The following TRAPPC9 variants were observed in gnomAD, a reference collection of about 807,000 sequenced individuals.
TRAPPC9 encodes IKK2 binding protein.
In TRAPPC9, 83 loss-of-function variants were observed where a neutral mutation model predicts 124.0. The observed-to-expected ratio is 0.67, with a 90% CI of 0.56 to 0.80. The LOEUF (loss-of-function observed/expected upper bound fraction) is 0.80. Among genes scored for constraint, TRAPPC9 ranks in the 30% least tolerant of loss-of-function variants. TRAPPC9 has a pLI of 0.00. For missense variants in TRAPPC9, 1,302 were observed against 1,508.3 expected (o/e 0.86, Z 2.27); for synonymous variants, 638 against 617.5 (o/e 1.03, Z -0.49).
chr8:139,896,093 T>C (rs1389278043), intron 20 of TRAPPC9, among the ~76,000 whole-genome samples: 1 of 152,230 alleles, frequency 6.6e-6, no homozygotes, highest in African/African-American at 2.4e-5. Context: ...ACAGCTAAGC[T>C]AATAAAGCTA....
intron 21 of TRAPPC9, among the ~76,000 whole-genome samples, chr8:139,756,944 T>G (rs1270899005): frequency 0.041 from 1,457 of 35,112 alleles, no homozygotes; most frequent in Admixed American, 0.08. Flanking sequence ...AGGGTTGGGG[T>G]ATAAGGACAG....
intron 19 of TRAPPC9, among the ~76,000 whole-genome samples, chr8:139,953,573 G>A (rs1277430047): frequency 1.0e-5 from 1 of 96,272 alleles, no homozygotes; most frequent in Non-Finnish European, 2.1e-5. Flanking sequence ...ACTGATAATT[G>A]GACTTCATCA....
intron 17 of TRAPPC9, among the ~76,000 whole-genome samples, chr8:140,116,136 G>T (rs1343884042): frequency 2.0e-5 from 3 of 152,162 alleles, no homozygotes; most frequent in African/African-American, 7.2e-5. Flanking sequence ...TCAGGGGAGA[G>T]GCAGGGGCAG....
rs1587969401 is a variant in TRAPPC9, at chr8:140,228,285, G to T, written c.2432-6702C>A. The stretch of plus-strand genomic sequence containing the variant: ...TTGTCAGGGTATGCTGTTCCAGGTA[G>T]AATATATTTTAAAGATGCTTTCTCA... On this transcript the variant is annotated intron_variant, in intron 16 of 22. Coordinates refer to ENST00000438773, the MANE Select transcript of TRAPPC9 (RefSeq NM_001160372.4). 2.6e-5 allele frequency among the ~76,000 whole-genome samples: 4 copies of T among 152,182 alleles called. No homozygotes were observed. In the East Asian group the frequency reaches 7.7e-4, roughly 29 times the overall value.
At chr8:140,034,757 T>G (rs1315941504) in intron 17 of TRAPPC9, among the ~76,000 whole-genome samples, 1 of 152,234 alleles carries the variant, frequency 6.6e-6, no homozygotes, top group Non-Finnish European at 1.5e-5. Flanking sequence ...TATCACTACC[T>G]CAACAGCTCA....
chr8:139,867,552 A>C (rs1377960308), intron 21 of TRAPPC9, among the ~76,000 whole-genome samples: 1 of 152,180 alleles, frequency 6.6e-6, no homozygotes, highest in Non-Finnish European at 1.5e-5. Context: ...GGAAGCAAAC[A>C]CCATCTTAAT....
At chr8:140,077,760 T>C (rs1212766788) in intron 17 of TRAPPC9, among the ~76,000 whole-genome samples, 1 of 151,664 alleles carries the variant, frequency 6.6e-6, no homozygotes, top group Non-Finnish European at 1.5e-5. Context: ...AATGTTGAGA[T>C]GGGGAGAAAG....
At chr8:140,092,044 G>A in intron 17 of TRAPPC9, among the ~76,000 whole-genome samples, 1 of 136,646 alleles carries the variant, frequency 7.3e-6, no homozygotes, top group Non-Finnish European at 1.5e-5. Flanking sequence ...CCTCCTGCCG[G>A]CCAGCTCCAC....
intron 19 of TRAPPC9, among the ~76,000 whole-genome samples, chr8:139,969,546 G>T (rs1252725754): frequency 2.0e-5 from 3 of 152,338 alleles, no homozygotes; most frequent in East Asian, 3.9e-4. Context: ...ACCAAGCCTG[G>T]GTCTCCTCAA....
At chr8:140,156,858 A>C (rs896807610) in intron 17 of TRAPPC9, among the ~76,000 whole-genome samples, 4 of 152,274 alleles carry the variant, frequency 2.6e-5, no homozygotes, top group Non-Finnish European at 4.4e-5. Context: ...TAATGCAAGA[A>C]GGGGAGAGCT....
intron 17 of TRAPPC9, among the ~76,000 whole-genome samples, chr8:140,045,631 GAAAAAA>G (rs57243402): frequency 2.1e-4 from 7 of 33,252 alleles, no homozygotes; most frequent in Admixed American, 4.0e-4. Context: ...CATCTCGGCA[GAAAAAA>G]AAAAAAAAAA....
At chr8:140,422,052 C>T (rs767566466) in intron 5 of TRAPPC9, among the ~76,000 whole-genome samples, 1 of 146,460 alleles carries the variant, frequency 6.8e-6, no homozygotes, top group South Asian at 2.2e-4. Flanking sequence ...GTAAATGATT[C>T]CCTAAAAAAA....
chr8:140,345,283 G>A (rs947306673), intron 9 of TRAPPC9, among the ~76,000 whole-genome samples: 3 of 152,194 alleles, frequency 2.0e-5, no homozygotes, highest in Non-Finnish European at 4.4e-5. Flanking sequence ...AGCAGGCCAG[G>A]TACTGAGTGA....
chr8:139,730,194 C>T lies in TRAPPC9; in HGVS notation c.*867G>A, dbSNP rs1817732421. The T allele has an allele frequency of 6.6e-6, 1 of 152,510 alleles. No individual in the cohort carries two copies. Among genetic ancestry groups the T allele is most frequent in the African/African-American group, 2.4e-5 (1 of 41,460 alleles). 9.4% of individuals were successfully genotyped at this position (152,510 alleles called of 1,614,324 possible). ...AAGCTGCTGGTGACCAGATTCCTGT[C>T]TCAGCGTTTGCTTATGTGAGATCTC... On this transcript the variant is annotated 3_prime_UTR_variant, in exon 23 of 23. Coordinates refer to ENST00000438773, the MANE Select transcript of TRAPPC9 (RefSeq NM_001160372.4).
In TRAPPC9 at chr8:139,824,343, A is replaced by G. The variant is rs190224763; in HGVS notation, c.3055+61536T>C. On this transcript the variant is annotated intron_variant, in intron 21 of 22. Coordinates refer to ENST00000438773, the MANE Select transcript of TRAPPC9 (RefSeq NM_001160372.4). ...CCTGTGCAGAGCTTCGGGGGCCTGC[A>G]GGGACATCCAGCACCACAGCACTGT... Among the ~76,000 whole-genome samples the G allele has an allele frequency of 3.3e-5, 5 of 152,218 alleles. No homozygotes were observed. In the East Asian group the frequency reaches 9.7e-4, roughly 29 times the overall value.
intron 18 of TRAPPC9, among the ~76,000 whole-genome samples, chr8:140,003,310 C>T (rs769278235): frequency 2.0e-5 from 3 of 152,082 alleles, no homozygotes; most frequent in Non-Finnish European, 4.4e-5. Flanking sequence ...TGCGGTGGCT[C>T]ATGCTTATAA....
chr8:140,002,768 T>C (rs1309799436), intron 18 of TRAPPC9, among the ~76,000 whole-genome samples: 2 of 148,646 alleles, frequency 1.3e-5, no homozygotes, highest in African/African-American at 2.5e-5. Context: ...ATTTTATTTT[T>C]GACTAAGAAG....
chr8:140,019,140 A>G, intron 18 of TRAPPC9, among the ~76,000 whole-genome samples: 1 of 152,230 alleles, frequency 6.6e-6, no homozygotes, highest in Non-Finnish European at 1.5e-5. Context: ...ACAACCTCAT[A>G]CTTCTGAGTA....
intron 5 of TRAPPC9, among the ~76,000 whole-genome samples, chr8:140,421,654 G>A (rs375131516): frequency 6.6e-6 from 1 of 152,140 alleles, no homozygotes. Flanking sequence ...CAGGCACTGT[G>A]CGAGGGAACA....
Sources: allele counts gnomAD v4.1 joint callset (sites outside exome capture counted in the v4.1 genomes callset), GRCh38; gene constraint gnomAD v4.1.1; transcripts MANE v1.5; gene names NCBI Gene and HGNC (gene_info 2026-07-23, HGNC 2026-07-21).